Variants in CADPS2 observed in about 807,000 individuals in gnomAD.
CADPS2 encodes calcium-dependent secretion activator 2.
In CADPS2, 93 loss-of-function variants were observed where a neutral mutation model predicts 172.5. The observed-to-expected ratio is 0.54, with a 90% CI of 0.46 to 0.64. CADPS2 has a LOEUF of 0.64. Among genes scored for constraint, CADPS2 ranks in the 30% least tolerant of loss-of-function variants. The probability of loss-of-function intolerance (pLI) is 0.00; values close to 1 mark genes in which losing one functional copy is unlikely to be tolerated. For synonymous variants in CADPS2, 546 were observed against 555.2 expected (o/e 0.98, Z 0.23); for missense variants, 1,420 against 1,565.9 (o/e 0.91, Z 1.57).
chr7:122,507,736 G>C (rs2059712986), intron 9 of CADPS2, among the ~76,000 whole-genome samples: 1 of 152,164 alleles, frequency 6.6e-6, no homozygotes, highest in South Asian at 2.1e-4. Flanking sequence ...TGGAAGCAGA[G>C]AGAACAGCTA....
intron 17 of CADPS2, among the ~76,000 whole-genome samples, chr7:122,430,443 T>A (rs141948948): frequency 6.6e-6 from 1 of 152,194 alleles, no homozygotes; most frequent in Non-Finnish European, 1.5e-5. Context: ...ATTCTTCTTT[T>A]AAAATAATAT....
chr7:122,657,333 C>A (rs1248073591), intron 3 of CADPS2, among the ~76,000 whole-genome samples: 1 of 152,026 alleles, frequency 6.6e-6, no homozygotes, highest in East Asian at 1.9e-4. Flanking sequence ...TAGTGCTTTC[C>A]GATTCTGTGA....
At chr7:122,515,051 G>A (rs867844709) in intron 8 of CADPS2, among the ~76,000 whole-genome samples, 2 of 152,036 alleles carry the variant, frequency 1.3e-5, no homozygotes, top group Non-Finnish European at 2.9e-5. Context: ...AAAAAAACAT[G>A]GAGTTACTAA....
chr7:122,818,140 C>T (rs1021730098), intron 1 of CADPS2, among the ~76,000 whole-genome samples: 2 of 151,608 alleles, frequency 1.3e-5, no homozygotes, highest in Admixed American at 1.3e-4. Context: ...TTTCTCTACT[C>T]CCTCTTTTCT....
At chr7:122,365,610 T>G (rs187666539) in intron 25 of CADPS2, among the ~76,000 whole-genome samples, 2 of 152,202 alleles carry the variant, frequency 1.3e-5, no homozygotes, top group Non-Finnish European at 2.9e-5. Context: ...TAAACACTTA[T>G]GGGTTTGCCT....
At chr7:122,634,707 G>A (rs1201219593) in intron 3 of CADPS2, among the ~76,000 whole-genome samples, 3 of 151,998 alleles carry the variant, frequency 2.0e-5, no homozygotes, top group Non-Finnish European at 4.4e-5. Context: ...TAGCTTTGGG[G>A]TTGGATGTTT....
chr7:122,480,297 A>ATTT (rs11446267), intron 12 of CADPS2, among the ~76,000 whole-genome samples: 3 of 150,656 alleles, frequency 2.0e-5, no homozygotes, highest in African/African-American at 7.3e-5. Flanking sequence ...AGATTTTATA[A>ATTT]TTTTTTTTTT....
rs561930215 is a variant in CADPS2 at position 122,878,371 on chromosome 7, G to A, written c.339+7628C>T. Among the ~76,000 whole-genome samples, 8 of 151,804 alleles carry A rather than the reference G, an allele frequency of 5.3e-5. No homozygotes were observed. The South Asian group carries it at 8.3e-4, about 16-fold the overall frequency. On this transcript the variant is annotated intron_variant, in intron 1 of 29. Coordinates refer to ENST00000449022, the MANE Select transcript of CADPS2 (RefSeq NM_017954.11). ...CCAGAAATTAAAACGCAATGTTGTC[G>A]GCCGGGCGCGGTGGCTCACGCCTGT...
At chr7:122,649,897 G>GTTTTTTTTTTT (rs1588128117) in intron 3 of CADPS2, among the ~76,000 whole-genome samples, 1 of 46,074 alleles carries the variant, frequency 2.2e-5, no homozygotes, top group Non-Finnish European at 4.4e-5. Flanking sequence ...AGTATTCAAT[G>GTTTTTTTTTTT]ATTTTTTTTT....
chr7:122,493,560 G>C (rs1300878629), intron 9 of CADPS2, among the ~76,000 whole-genome samples: 1 of 152,080 alleles, frequency 6.6e-6, no homozygotes, highest in Admixed American at 6.6e-5. Context: ...AAATGAAAAT[G>C]GTTACTAGTA....
At chr7:122,408,142 TATA>T (rs1240233304) in intron 19 of CADPS2, among the ~76,000 whole-genome samples, 1 of 152,068 alleles carries the variant, frequency 6.6e-6, no homozygotes, top group Non-Finnish European at 1.5e-5. Context: ...TCACTTTTAA[TATA>T]ATAGCATAAT....
chr7:122,527,552 A>ACCTTTAAT (rs2061340094), intron 8 of CADPS2, among the ~76,000 whole-genome samples: 1 of 149,104 alleles, frequency 6.7e-6, no homozygotes, highest in Non-Finnish European at 1.5e-5. Flanking sequence ...ACAAAACATC[A>ACCTTTAAT]CCTTTAATAC....
At chr7:122,684,286 G>A (rs1030217627) in intron 2 of CADPS2, among the ~76,000 whole-genome samples, 1 of 152,122 alleles carries the variant, frequency 6.6e-6, no homozygotes, top group Non-Finnish European at 1.5e-5. Flanking sequence ...AGTGAGGACT[G>A]TGAGGACTTA....
In CADPS2 at chr7:122,320,320, G is replaced by A. The variant is rs1354028382; in HGVS notation, c.3736C>T (p.Arg1246Ter). ...KIVKKTYRDF[R>*]LQGVLEGTLN... ...GTTCCTTCCAACACACCCTGCAATC[G>A]AAAGTCCCTGTAGGTTTTCTGAAGA... The change falls in exon 30 of 30, where the codon CGA (arginine) becomes TGA (stop). Residue 1246 changes from arginine to a stop codon, truncating the protein, a stop_gained. Transcript: ENST00000449022. LOFTEE classifies it high-confidence loss of function. 1.9e-6 allele frequency: 3 copies of A among 1,600,248 alleles called. No individual in the cohort carries two copies. The highest frequency in any genetic ancestry group is 2.2e-5 in the East Asian group (1 of 44,446).
intron 8 of CADPS2, among the ~76,000 whole-genome samples, chr7:122,515,141 A>G (rs986052666): frequency 6.6e-6 from 1 of 152,188 alleles, no homozygotes; most frequent in South Asian, 2.1e-4. Context: ...TTCTTTCAGC[A>G]CATCAGCTAA....
intron 17 of CADPS2, among the ~76,000 whole-genome samples, chr7:122,419,543 A>C (rs1317308063): frequency 6.6e-6 from 1 of 152,090 alleles, no homozygotes; most frequent in Non-Finnish European, 1.5e-5. Context: ...ATTATGTACT[A>C]ATTTTTGTAT....
intron 24 of CADPS2, among the ~76,000 whole-genome samples, chr7:122,381,371 A>G (rs1001159001): frequency 2.6e-5 from 4 of 152,128 alleles, no homozygotes; most frequent in Non-Finnish European, 5.9e-5. Flanking sequence ...TCCCTCTTAC[A>G]TGGAAAGTGC....
chr7:122,664,981 T>C (rs920385879), intron 2 of CADPS2, among the ~76,000 whole-genome samples: 1 of 113,472 alleles, frequency 8.8e-6, no homozygotes, highest in African/African-American at 3.2e-5. Flanking sequence ...TTTTTTTTTG[T>C]AGATATGGGG....
chr7:122,718,898 G>A (rs751200076), intron 2 of CADPS2, among the ~76,000 whole-genome samples: 4 of 152,120 alleles, frequency 2.6e-5, no homozygotes, highest in Non-Finnish European at 4.4e-5. Context: ...ACTCTATCCT[G>A]CTTTCTCCTC....
Sources: gnomAD v4.1 joint callset for allele counts (sites outside exome capture counted in the v4.1 genomes callset) on GRCh38, gnomAD v4.1.1 for gene constraint, MANE v1.5 for transcripts, NCBI Gene and HGNC (gene_info 2026-07-23, HGNC 2026-07-21) for gene names.